The following POMK variants were observed in gnomAD, a reference collection of about 807,000 sequenced individuals.
POMK encodes the protein protein O-mannose kinase.
Under a neutral mutation model 23.0 loss-of-function variants are expected in POMK, and 19 were observed. That is an observed-to-expected ratio of 0.83 (90% CI 0.58 to 1.21). The LOEUF is 1.21. Ranked by LOEUF, POMK falls within the 50% of genes most tolerant of loss-of-function variation. The probability of loss-of-function intolerance (pLI) is 0.00; values close to 1 mark genes in which losing one functional copy is unlikely to be tolerated. For synonymous variants in POMK, 173 were observed against 171.6 expected (o/e 1.01, Z -0.06); for missense variants, 410 against 431.3 (o/e 0.95, Z 0.44).
At chr8:43,105,436 T>C (rs1458038397) in intron 4 of POMK, among the ~76,000 whole-genome samples, 1 of 152,248 alleles carries the variant, frequency 6.6e-6, no homozygotes, top group Non-Finnish European at 1.5e-5. Flanking sequence ...TTGTAGTGTT[T>C]AACTTTCTGT....
chr8:43,111,495 G>C (rs1229810287), intron 4 of POMK, among the ~76,000 whole-genome samples: 1 of 152,218 alleles, frequency 6.6e-6, no homozygotes, highest in Non-Finnish European at 1.5e-5. Context: ...ACCTCTGGGG[G>C]CAGGGCACAG....
chr8:43,113,923 C>T (rs904732737), intron 4 of POMK, among the ~76,000 whole-genome samples: 9 of 152,222 alleles, frequency 5.9e-5, no homozygotes, highest in South Asian at 2.1e-4. Context: ...TGCAGAACAG[C>T]GGATTTTCGT....
rs1251606511 is a variant in POMK, at chr8:43,103,640, ATACTC to A, written c.94_98del (p.Thr32AlafsTer66). ...CTGCTGCTGATCATGGCCCTGATGA[ATACTC>A]TGCTCTACCTCTGCCTCGACCACTT... is the stretch of plus-strand genomic sequence containing the variant. On this transcript the variant is annotated frameshift_variant, in exon 4 of 5. Coordinates refer to ENST00000331373, the MANE Select transcript of POMK (RefSeq NM_032237.5). LOFTEE classifies it high-confidence loss of function. The A allele has an allele frequency of 1.2e-6, 2 of 1,613,840 alleles. No homozygotes were observed. The highest frequency in any genetic ancestry group is 2.7e-5 in the African/African-American group (2 of 74,850).
intron 4 of POMK, among the ~76,000 whole-genome samples, chr8:43,110,057 C>T (rs567123843): frequency 6.2e-4 from 95 of 152,294 alleles, no homozygotes; most frequent in Non-Finnish European, 1.1e-3. Context: ...TTGTTCAAAC[C>T]TTTAGACTTT....
At chr8:43,114,291 T>C (rs929613937) in intron 4 of POMK, among the ~76,000 whole-genome samples, 1 of 152,260 alleles carries the variant, frequency 6.6e-6, no homozygotes, top group Non-Finnish European at 1.5e-5. Context: ...CTGCTTTGTT[T>C]ACCTAAGCAA....
chr8:43,100,962 G>A (rs972104320), intron 2 of POMK, among the ~76,000 whole-genome samples: 6 of 152,118 alleles, frequency 3.9e-5, no homozygotes, highest in African/African-American at 1.2e-4. Flanking sequence ...TAGAGGCACT[G>A]AAGTGTGTGC....
At chr8:43,115,328 C>T (rs1444587140) in intron 4 of POMK, among the ~76,000 whole-genome samples, 1 of 152,158 alleles carries the variant, frequency 6.6e-6, no homozygotes, top group Non-Finnish European at 1.5e-5. Context: ...GACTGCTTCC[C>T]TGAAGTTTTC....
intron 4 of POMK, among the ~76,000 whole-genome samples, chr8:43,108,329 T>TA (rs1187480579): frequency 2.0e-5 from 3 of 152,226 alleles, no homozygotes; most frequent in Non-Finnish European, 2.9e-5. Context: ...AAACCCTTGG[T>TA]AAAATAACCA....
At chr8:43,121,543 A>G (rs1439770454) in intron 4 of POMK, among the ~76,000 whole-genome samples, 1 of 152,234 alleles carries the variant, frequency 6.6e-6, no homozygotes, top group East Asian at 1.9e-4. Flanking sequence ...TTACTATGCC[A>G]CCTTTTAAAA....
chr8:43,122,377 T>C lies in POMK; in HGVS notation c.553T>C (p.Tyr185His), dbSNP rs112727660. 4 of 1,614,222 alleles carry C rather than the reference T, an allele frequency of 2.5e-6. No homozygotes were observed. Among genetic ancestry groups the C allele is most frequent in the Non-Finnish European group, 2.5e-6 (3 of 1,180,038 alleles). Residue 185 changes from tyrosine to histidine, a missense_variant, in exon 5 of 5, where the codon TAT becomes CAT. By Grantham distance (83) the Tyr-to-His change is moderately conservative (BLOSUM62 2). Transcript: ENST00000331373. ...GCACAGGCTGGAGCTGGCCATGGAC[T>C]ATGTCAGCATCATTAATTACCTGCA... Reference protein sequence around the residue: ...WQHRLELAMDYVSIINYLHHS... With the variant: ...WQHRLELAMDHVSIINYLHHS...
intron 4 of POMK, among the ~76,000 whole-genome samples, chr8:43,120,005 A>C (rs1051637833): frequency 6.6e-6 from 1 of 150,912 alleles, no homozygotes; most frequent in Non-Finnish European, 1.5e-5. Context: ...TAAAAAATTT[A>C]AGTTGTAAAA....
chr8:43,103,144 G>A (rs938409742), intron 3 of POMK, among the ~76,000 whole-genome samples: 5 of 152,206 alleles, frequency 3.3e-5, no homozygotes, highest in Admixed American at 2.0e-4. Context: ...GCTACCCTAA[G>A]CAGCCTCCTT....
At chr8:43,118,064 TAAG>T (rs1811833242) in intron 4 of POMK, among the ~76,000 whole-genome samples, 1 of 152,206 alleles carries the variant, frequency 6.6e-6, no homozygotes, top group South Asian at 2.1e-4. Flanking sequence ...ATAATAATCT[TAAG>T]AAAGAATCCA....
intron 4 of POMK, among the ~76,000 whole-genome samples, chr8:43,109,544 T>A (rs1811607229): frequency 6.6e-6 from 1 of 152,012 alleles, no homozygotes; most frequent in Admixed American, 6.5e-5. Context: ...ATTTTTTTTT[T>A]ATTTTTTATT....
At chr8:43,101,387 C>T (rs1479829757) in intron 2 of POMK, among the ~76,000 whole-genome samples, 1 of 146,124 alleles carries the variant, frequency 6.8e-6, no homozygotes, top group Non-Finnish European at 1.5e-5. Context: ...CACTGCACTC[C>T]AGCCCGAGTG....
intron 4 of POMK, among the ~76,000 whole-genome samples, chr8:43,115,884 G>A (rs943833228): frequency 2.0e-5 from 3 of 152,200 alleles, no homozygotes; most frequent in Non-Finnish European, 4.4e-5. Context: ...GTCTACTCCA[G>A]CATCAGAGCC....
At chr8:43,113,111 G>A (rs980667820) in intron 4 of POMK, among the ~76,000 whole-genome samples, 2 of 152,222 alleles carry the variant, frequency 1.3e-5, no homozygotes, top group Non-Finnish European at 2.9e-5. Context: ...TTCTCGAGGA[G>A]TATCTTTGTG....
intron 4 of POMK, among the ~76,000 whole-genome samples, chr8:43,115,664 T>G (rs556412313): frequency 1.3e-5 from 2 of 152,300 alleles, no homozygotes; most frequent in Admixed American, 6.5e-5. Context: ...GTCTTTCTGC[T>G]TCACACTTGC....
intron 4 of POMK, among the ~76,000 whole-genome samples, chr8:43,111,301 C>T (rs941949318): frequency 1.2e-4 from 19 of 152,196 alleles, no homozygotes; most frequent in African/African-American, 3.9e-4. Context: ...GAGGGTCCTA[C>T]GCCCATGGAG....
Sources: gnomAD v4.1 joint callset for allele counts (sites outside exome capture counted in the v4.1 genomes callset) on GRCh38, gnomAD v4.1.1 for gene constraint, MANE v1.5 for transcripts, NCBI Gene and HGNC (gene_info 2026-07-23, HGNC 2026-07-21) for gene names.